PAK3: variants seen among roughly 807,000 people sequenced by gnomAD.
PAK3 encodes serine/threonine-protein kinase PAK 3.
PAK3 carries 4 observed loss-of-function variants against 41.0 expected under a neutral mutation model. The ratio of observed to expected loss-of-function variants is 0.10; its 90% CI spans 0.05 to 0.22. The LOEUF is 0.22. PAK3 is among the 10% of genes least tolerant of loss of function. The probability of loss-of-function intolerance (pLI) is 1.00; values close to 1 mark genes in which losing one functional copy is unlikely to be tolerated. For synonymous variants in PAK3, 146 were observed against 139.6 expected, an observed-to-expected ratio of 1.05 and a Z score of -0.32; for missense variants, 205 against 409.9, an observed-to-expected ratio of 0.50 and a Z score of 4.32.
chrX:111,150,374 T>A (rs899195335), intron 7 of PAK3, among the ~76,000 whole-genome samples: 8 of 112,076 alleles, frequency 7.1e-5, no homozygotes, highest in African/African-American at 1.3e-4. Context: ...GGTATCTTTT[T>A]AGCAACACCC....
intron 1 of PAK3, among the ~76,000 whole-genome samples, chrX:110,945,773 C>T (rs763730437): frequency 1.8e-5 from 2 of 110,673 alleles, no homozygotes; most frequent in Non-Finnish European, 3.8e-5. Flanking sequence ...ACTGGTATGG[C>T]CACTTTTTAA....
chrX:111,173,375 C>G (rs939547563), intron 11 of PAK3, among the ~76,000 whole-genome samples: 5 of 111,322 alleles, frequency 4.5e-5, no homozygotes, highest in African/African-American at 1.6e-4. Flanking sequence ...CTAGAAAAAG[C>G]AGTAGGGTTA....
chrX:111,069,514 G>A (rs1262881225), intron 1 of PAK3, among the ~76,000 whole-genome samples: 2 of 111,171 alleles, frequency 1.8e-5, no homozygotes. Context: ...GATATTCTTA[G>A]CAAGATACAA....
intron 1 of PAK3, among the ~76,000 whole-genome samples, chrX:111,033,868 A>G (rs2092366642): frequency 9.0e-6 from 1 of 111,051 alleles, no homozygotes; most frequent in African/African-American, 3.3e-5. Flanking sequence ...GGGTGGGCCC[A>G]TGTTGTTTTT....
chrX:111,202,715 C>T (rs1374468826), intron 16 of PAK3, among the ~76,000 whole-genome samples: 1 of 111,671 alleles, frequency 9.0e-6, no homozygotes, highest in South Asian at 3.7e-4. Flanking sequence ...ATTAACTTTG[C>T]TTTTACACGT....
intron 11 of PAK3, among the ~76,000 whole-genome samples, chrX:111,191,732 A>G (rs184973866): frequency 1.7e-3 from 188 of 112,162 alleles, no homozygotes; most frequent in Middle Eastern, 4.6e-3. Context: ...ACAAAATTCA[A>G]GAAATATTTA....
At chrX:110,967,585 G>T (rs1196978863) in intron 1 of PAK3, among the ~76,000 whole-genome samples, 2 of 111,321 alleles carry the variant, frequency 1.8e-5, no homozygotes, top group Non-Finnish European at 3.8e-5. Context: ...CATGTCTTAT[G>T]AATTTTTAAG....
At chrX:111,052,457 CA>C (rs1321353688) in intron 1 of PAK3, among the ~76,000 whole-genome samples, 2 of 112,644 alleles carry the variant, frequency 1.8e-5, no homozygotes, top group African/African-American at 6.4e-5. Context: ...TGACAGCCAA[CA>C]TTTATTGAGT....
At chrX:111,156,856 CTTTAA>C (rs972641750) in intron 8 of PAK3, among the ~76,000 whole-genome samples, 1 of 111,945 alleles carries the variant, frequency 8.9e-6, no homozygotes, top group Non-Finnish European at 1.9e-5. Flanking sequence ...AGTCTCTACT[CTTTAA>C]TTTGAGGCTA....
chrX:110,967,145 TC>T (rs2091097673), intron 1 of PAK3, among the ~76,000 whole-genome samples: 1 of 112,561 alleles, frequency 8.9e-6, no homozygotes, highest in Non-Finnish European at 1.9e-5. Context: ...ATACCATGTG[TC>T]CCTGACTACA....
intron 1 of PAK3, among the ~76,000 whole-genome samples, chrX:111,070,974 G>A (rs897918054): frequency 1.2e-4 from 13 of 112,198 alleles, no homozygotes; most frequent in Non-Finnish European, 1.9e-4. Flanking sequence ...CCTGTTTGCC[G>A]ATAGAGAATT....
intron 7 of PAK3, among the ~76,000 whole-genome samples, chrX:111,150,823 T>C (rs1429166512): frequency 8.9e-6 from 1 of 112,006 alleles, no homozygotes; most frequent in East Asian, 2.8e-4. Flanking sequence ...TTGAGTTCTC[T>C]CTCTACAATA....
At chrX:111,164,293 G>T (rs1237240867) in intron 10 of PAK3, among the ~76,000 whole-genome samples, 2 of 110,596 alleles carry the variant, frequency 1.8e-5, no homozygotes, top group Non-Finnish European at 3.8e-5. Context: ...ACTTTTCTGG[G>T]TCAAGAAGAT....
chrX:111,139,638 T>C (rs1404317504), intron 5 of PAK3, among the ~76,000 whole-genome samples: 1 of 112,090 alleles, frequency 8.9e-6, no homozygotes, highest in Non-Finnish European at 1.9e-5. Flanking sequence ...GAAAATTGCA[T>C]AGTTAGGCTG....
intron 1 of PAK3, among the ~76,000 whole-genome samples, chrX:110,962,735 C>T (rs146489018): frequency 0.022 from 2,443 of 112,470 alleles, 65 homozygotes; most frequent in African/African-American, 0.074. Context: ...ATCATCCTGG[C>T]CTCTGAAGAT....
At chrX:110,982,161 G>T (rs1372420431) in intron 1 of PAK3, among the ~76,000 whole-genome samples, 1 of 111,843 alleles carries the variant, frequency 8.9e-6, no homozygotes, top group Non-Finnish European at 1.9e-5. Flanking sequence ...GCAGCCAGAG[G>T]TTTGGGAGGC....
chrX:111,101,565 C>G (rs2093138549), intron 3 of PAK3, among the ~76,000 whole-genome samples: 1 of 111,823 alleles, frequency 8.9e-6, no homozygotes, highest in Non-Finnish European at 1.9e-5. Context: ...GTTTCCCACC[C>G]CAGTGGGTGG....
intron 5 of PAK3, among the ~76,000 whole-genome samples, chrX:111,139,400 ACTTC>A (rs765207387): frequency 8.9e-6 from 1 of 112,172 alleles, no homozygotes; most frequent in East Asian, 2.8e-4. Flanking sequence ...GAAATTTTGC[ACTTC>A]CTTAATTGTT....
intron 4 of PAK3, among the ~76,000 whole-genome samples, chrX:111,120,091 C>A (rs2093542405): frequency 8.9e-6 from 1 of 112,313 alleles, no homozygotes; most frequent in South Asian, 3.7e-4. Context: ...ATAGGTTCTT[C>A]AGTTTCACTT....
Sources: allele counts gnomAD v4.1 joint callset (sites outside exome capture counted in the v4.1 genomes callset), GRCh38; gene constraint gnomAD v4.1.1; transcripts MANE v1.5; gene names NCBI Gene and HGNC (gene_info 2026-07-23, HGNC 2026-07-21).